The following AQP6 variants were observed in gnomAD, a reference collection of about 807,000 sequenced individuals.
AQP6 encodes the protein aquaporin-6.
Under a neutral mutation model 16.3 loss-of-function variants are expected in AQP6, and 14 were observed. The observed-to-expected ratio is 0.86, with a 90% CI of 0.57 to 1.34. The LOEUF (loss-of-function observed/expected upper bound fraction) is 1.34, where lower values mean the gene tolerates loss of function less well. AQP6 is among the 40% of genes most tolerant of loss of function. The probability of loss-of-function intolerance (pLI) is 0.00; values close to 1 mark genes in which losing one functional copy is unlikely to be tolerated. For missense variants in AQP6, 331 were observed against 379.7 expected (o/e 0.87, Z 1.07); for synonymous variants, 178 against 166.8 (o/e 1.07, Z -0.52).
At position 49,975,201 on chromosome 12, in the gene AQP6, G is replaced by A; in HGVS notation, c.643-264G>A. 1.5e-6 allele frequency: 2 copies of A among 1,310,920 alleles called. No homozygotes were observed. The highest frequency in any genetic ancestry group is 3.0e-5 in the East Asian group (1 of 32,962). 81.2% of individuals were successfully genotyped at this position (1,310,920 alleles called of 1,614,324 possible). On this transcript the variant is annotated intron_variant, in intron 3 of 3. Transcript: ENST00000315520. The surrounding 1 kb of genome is among the most constrained non-coding windows in gnomAD (Gnocchi z 4.4). ...GGGAAGTGAGAGGAAAGAGGCGGGG[G>A]CGGGTGAGGAGACTGGCCCCAGGCC...
At chr12:49,974,995 G>T in intron 3 of AQP6, 169 bp downstream of exon 3, 1 of 1,424,156 alleles carries the variant, frequency 7.0e-7, no homozygotes, top group Non-Finnish European at 9.2e-7. Flanking sequence ...GGACTGGCAA[G>T]AAATGGGCCA....
At position 49,975,010 on chromosome 12, in the gene AQP6, A is replaced by G; in HGVS notation, c.642+184A>G. ...GGACTGGCAAGAAATGGGCCAGGGCAGGAGCTGCAGCCTTGGCCCAGACTT... is the reference window on the plus strand; with the variant it reads ...GGACTGGCAAGAAATGGGCCAGGGCGGGAGCTGCAGCCTTGGCCCAGACTT... On this transcript the variant is annotated intron_variant, in intron 3 of 3. Transcript: ENST00000315520. This position sits in a 1 kb window ranked among gnomAD's most constrained non-coding sequence, Gnocchi z 4.4. The G allele has an allele frequency of 7.1e-7, 1 of 1,412,184 alleles. No individual in the cohort carries two copies. Among genetic ancestry groups the G allele is most frequent in the Non-Finnish European group, 9.2e-7 (1 of 1,086,014 alleles). 87.5% of individuals were successfully genotyped at this position (1,412,184 alleles called of 1,614,324 possible). A position where few individuals can be genotyped will look rare whatever the true frequency, so the allele number is the denominator to read the frequency against.
Position 49,974,455 on chromosome 12 carries a change from C to T in AQP6, c.534C>T (p.Ile178=), listed in dbSNP as rs368510831. The T allele has an allele frequency of 6.2e-7, 1 of 1,611,622 alleles. No individual in the cohort carries two copies. The highest frequency in any genetic ancestry group is 8.5e-7 in the Non-Finnish European group (1 of 1,178,554). ...GCTCCCCGGCCACCATGATTGGGAT[C>T]TCTGTGGCACTGGGCCACCTCATTG... is the stretch of plus-strand genomic sequence containing the variant. ...TSGSPATMIG[I]SVALGHLIGI... The change falls in exon 2 of 4, where the codon ATC becomes ATT. Residue 178 remains isoleucine, a synonymous_variant. Coordinates refer to ENST00000315520, the MANE Select transcript of AQP6 (RefSeq NM_001652.4).
chr12:49,975,591 ACAGGGG>A lies in AQP6; in HGVS notation c.783_788del (p.Gly262_Ala263del). The A allele has an allele frequency of 6.2e-7, 1 of 1,609,758 alleles. No homozygotes were observed. The highest frequency in any genetic ancestry group is 8.5e-7 in the Non-Finnish European group (1 of 1,178,738). On this transcript the variant is annotated inframe_deletion, in exon 4 of 4. Transcript: ENST00000315520. The surrounding 1 kb of genome is among the most constrained non-coding windows in gnomAD (Gnocchi z 4.4). ...CCTCACAGGCACCGTAGAGGTGGGG[ACAGGGG>A]CAGGGGCAGGGGCGGAGCCCCTGAA...
intron 3 of AQP6, 113 bp downstream of exon 3, chr12:49,974,939 C>A (rs984096656): frequency 2.4e-5 from 36 of 1,478,118 alleles, no homozygotes; most frequent in Non-Finnish European, 2.9e-5. Context: ...AATGTCTTGG[C>A]TGAGACTTCC....
chr12:49,973,918 G>C (rs1353288671), intron 1 of AQP6: 2 of 1,191,652 alleles, frequency 1.7e-6, no homozygotes, highest in Non-Finnish European at 2.1e-6. Flanking sequence ...TTTCTCCCAG[G>C]CTCCACCCAC....
chr12:49,973,035 G>T lies in AQP6; in HGVS notation c.-139G>T. On this transcript the variant is annotated 5_prime_UTR_variant, in exon 1 of 4. Transcript: ENST00000315520. ...GGAGCGTGGTGGAGGAGCTGCAGGTGGGGGCCAGAGAAGCCTCCACAGAGA... is the reference window on the plus strand; with the variant it reads ...GGAGCGTGGTGGAGGAGCTGCAGGTTGGGGCCAGAGAAGCCTCCACAGAGA... 1 of 1,202,942 alleles carries T rather than the reference G, an allele frequency of 8.3e-7. No individual in the cohort carries two copies. The allele number at this position is 1,202,942 out of a possible 1,614,324, so 74.5% of individuals were successfully genotyped here.
At position 49,977,042 on chromosome 12, in the gene AQP6, A is replaced by G. The variant is rs543925479; in HGVS notation, c.*1371A>G. 2.3e-5 allele frequency: 16 copies of G among 702,302 alleles called. No homozygotes were observed. Among genetic ancestry groups the G allele is most frequent in the African/African-American group, 5.2e-5 (3 of 57,362 alleles). 43.5% of individuals were successfully genotyped at this position (702,302 alleles called of 1,614,324 possible). On this transcript the variant is annotated 3_prime_UTR_variant, in exon 4 of 4. Transcript: ENST00000315520. Reference sequence around the variant, plus strand: ...TCTCCAGCTGTAAAATGGACACACAATCCTCCTCCAGGGACTGCTGTGAAA... The same window carrying G: ...TCTCCAGCTGTAAAATGGACACACAGTCCTCCTCCAGGGACTGCTGTGAAA...
At position 49,974,781 on chromosome 12, in the gene AQP6, C is replaced by T. The variant is rs1217132000; in HGVS notation, c.597C>T (p.Arg199=). The change falls in exon 3 of 4, where the codon CGC becomes CGT. Residue 199 remains arginine (R), a synonymous_variant. Transcript: ENST00000315520. ...HFTGCSMNPA[R]SFGPAIIIGK... Reference sequence around the variant, plus strand: ...CTGGCTGCTCCATGAATCCAGCCCGCTCCTTCGGCCCTGCCATCATCATTG... The same window carrying T: ...CTGGCTGCTCCATGAATCCAGCCCGTTCCTTCGGCCCTGCCATCATCATTG... 4 of 1,614,234 alleles carry T rather than the reference C, an allele frequency of 2.5e-6. No homozygotes were observed. Among genetic ancestry groups the T allele is most frequent in the South Asian group, 2.2e-5 (2 of 91,090 alleles).
intron 2 of AQP6, 110 bp downstream of exon 2, chr12:49,974,592 G>A: frequency 7.0e-7 from 1 of 1,437,772 alleles, no homozygotes; most frequent in Admixed American, 2.1e-5. Context: ...CTCGTGCCTT[G>A]GAGCCAAAGT....
Position 49,975,904 on chromosome 12 carries a change from G to T in AQP6, c.*233G>T. On this transcript the variant is annotated 3_prime_UTR_variant, in exon 4 of 4. Transcript: ENST00000315520. The surrounding 1 kb of genome is among the most constrained non-coding windows in gnomAD (Gnocchi z 4.4). Reference sequence around the variant, plus strand: ...TCTCGGTGGGACAGAGCAGAGGAAGGCAGGGGATTTAGGATCGCCCTCCCA... The same window carrying T: ...TCTCGGTGGGACAGAGCAGAGGAAGTCAGGGGATTTAGGATCGCCCTCCCA... 1 of 456,078 alleles carries T rather than the reference G, an allele frequency of 2.2e-6. No homozygotes were observed. Among genetic ancestry groups the T allele is most frequent in the Non-Finnish European group, 3.6e-6 (1 of 279,696 alleles). 28.3% of individuals were successfully genotyped at this position (456,078 alleles called of 1,614,324 possible). A position where few individuals can be genotyped will look rare whatever the true frequency, so the allele number is the denominator to read the frequency against.
At position 49,974,427 on chromosome 12, in the gene AQP6, C is replaced by T; in HGVS notation, c.506C>T (p.Ser169Leu). 6.2e-7 allele frequency: 1 copy of T among 1,613,764 alleles called. No individual in the cohort carries two copies. The highest frequency in any genetic ancestry group is 8.5e-7 in the Non-Finnish European group (1 of 1,179,764). The change falls in exon 2 of 4, where the codon TCA becomes TTA. Residue 169 changes from serine to leucine, a missense_variant. Transcript: ENST00000315520. ...GCTTCCACCGACAGCCGTCAGACAT[C>T]AGGCTCCCCGGCCACCATGATTGGG... ...VFASTDSRQT[S>L]GSPATMIGIS...
chr12:49,973,580 G>A lies in AQP6; in HGVS notation c.402+5G>A, dbSNP rs1047362634. On this transcript the variant is annotated splice_donor_5th_base_variant and intron_variant, in intron 1 of 3. Coordinates refer to ENST00000315520, the MANE Select transcript of AQP6 (RefSeq NM_001652.4). Reference sequence around the variant, plus strand: ...GAGACCCTTGGGATCAACGTGGTAGGTGCAGGGAGGGGCACCTGGAGGGCC... The same window carrying A: ...GAGACCCTTGGGATCAACGTGGTAGATGCAGGGAGGGGCACCTGGAGGGCC... 12 of 1,584,608 alleles carry A rather than the reference G, an allele frequency of 7.6e-6. No homozygotes were observed. In the Middle Eastern group the frequency reaches 1.2e-3, roughly 155 times the overall value.
Position 49,973,219 on chromosome 12 carries a change from G to T in AQP6, c.46G>T (p.Ala16Ser), listed in dbSNP as rs1179261074. The change falls in exon 1 of 4, where the codon GCG (alanine) becomes TCG (serine). Residue 16 changes from alanine (A) to serine (S), a missense_variant. Coordinates refer to ENST00000315520, the MANE Select transcript of AQP6 (RefSeq NM_001652.4). ...PGGRGWASML[A>S]CRLWKAISRA... Reference sequence around the variant, plus strand: ...GGGACGTGGCTGGGCCAGCATGTTGGCGTGCAGGCTTTGGAAAGCCATCAG... The same window carrying T: ...GGGACGTGGCTGGGCCAGCATGTTGTCGTGCAGGCTTTGGAAAGCCATCAG... 3 of 1,613,648 alleles carry T rather than the reference G, an allele frequency of 1.9e-6. No homozygotes were observed. The highest frequency in any genetic ancestry group is 8.5e-7 in the Non-Finnish European group (1 of 1,179,794).
At chr12:49,977,134 ATTGTTGCTG>A (rs1947581047) in exon 4 of AQP6, 1 of 678,686 alleles carries the variant, frequency 1.5e-6, no homozygotes, top group East Asian at 2.7e-5. Flanking sequence ...AATGATGATT[ATTGTTGCTG>A]TTACTGTAAT....
chr12:49,973,481 A>T lies in AQP6; in HGVS notation c.308A>T (p.Tyr103Phe). 6.2e-7 allele frequency: 1 copy of T among 1,613,866 alleles called. No individual in the cohort carries two copies. Among genetic ancestry groups the T allele is most frequent in the Non-Finnish European group, 8.5e-7 (1 of 1,180,026 alleles). Reference sequence around the variant, plus strand: ...ATCTCTCTGCCCCGTGCTGTGGCCTATGTGGCTGCCCAGCTGGTGGGGGCC... The same window carrying T: ...ATCTCTCTGCCCCGTGCTGTGGCCTTTGTGGCTGCCCAGCTGGTGGGGGCC... ...SHISLPRAVA[Y>F]VAAQLVGATV... The change falls in exon 1 of 4, where the codon TAT becomes TTT. Residue 103 changes from tyrosine to phenylalanine, a missense_variant. Tyr to Phe is a conservative substitution (Grantham distance 22). Coordinates refer to ENST00000315520, the MANE Select transcript of AQP6 (RefSeq NM_001652.4).
intron 1 of AQP6, chr12:49,973,988 G>T (rs144290209): frequency 3.5e-6 from 4 of 1,155,992 alleles, no homozygotes; most frequent in African/African-American, 1.6e-5. Flanking sequence ...TGCCTCACTC[G>T]CCCCTTCTCC....
At chr12:49,974,556 G>T (rs1592828119) in intron 2 of AQP6, 74 bp downstream of exon 2, 13 of 1,507,232 alleles carry the variant, frequency 8.6e-6, no homozygotes, top group Non-Finnish European at 1.1e-5. Flanking sequence ...AGCCCTGAAG[G>T]CCAGGCAGTG....
rs1947561707 is a variant in AQP6 at position 49,975,126 on chromosome 12, A to G, written c.642+300A>G. 3 of 1,295,578 alleles carry G rather than the reference A, an allele frequency of 2.3e-6. No individual in the cohort carries two copies. 80.3% of individuals were successfully genotyped at this position (1,295,578 alleles called of 1,614,324 possible). ...AAAAGACAAACAGAAATAGACACAC[A>G]CACCAGCAGAGACAGAAACAGCAAT... On this transcript the variant is annotated intron_variant, in intron 3 of 3. Coordinates refer to ENST00000315520, the MANE Select transcript of AQP6 (RefSeq NM_001652.4). This position sits in a 1 kb window ranked among gnomAD's most constrained non-coding sequence, Gnocchi z 4.4.
Sources: gnomAD v4.1 joint callset for allele counts on GRCh38, gnomAD v4.1.1 for gene constraint, Gnocchi (gnomAD v3.1) non-coding constraint, MANE v1.5 for transcripts, NCBI Gene and HGNC (gene_info 2026-07-23, HGNC 2026-07-21) for gene names.